MTMR7: variants seen among roughly 807,000 people sequenced by gnomAD.
MTMR7 encodes the protein myotubularin related protein 7.
In MTMR7, 76 loss-of-function variants were observed where a neutral mutation model predicts 81.2. The ratio of observed to expected loss-of-function variants is 0.94; its 90% CI spans 0.78 to 1.13. The LOEUF (loss-of-function observed/expected upper bound fraction) is 1.13, where lower values mean the gene tolerates loss of function less well. Ranked by LOEUF, MTMR7 falls within the 50% of genes most tolerant of loss-of-function variation. MTMR7 has a pLI of 0.00. For missense variants in MTMR7, 1,044 were observed against 820.0 expected (o/e 1.27, Z -3.34); for synonymous variants, 372 against 289.8 (o/e 1.28, Z -2.88).
At chr8:17,397,246 G>A (rs543350768) in intron 1 of MTMR7, among the ~76,000 whole-genome samples, 141 of 152,042 alleles carry the variant, frequency 9.3e-4, no homozygotes, top group Middle Eastern at 3.4e-3. Flanking sequence ...CAGCCATAGC[G>A]GGATAGAGTA....
intron 3 of MTMR7, among the ~76,000 whole-genome samples, chr8:17,370,024 G>A (rs544301990): frequency 8.6e-5 from 13 of 152,034 alleles, no homozygotes; most frequent in East Asian, 1.9e-4. Flanking sequence ...CTGTAGAAGC[G>A]AACAGTAAGC....
chr8:17,311,535 G>T lies in MTMR7; in HGVS notation c.1077C>A (p.His359Gln), dbSNP rs1463256776. Reference protein sequence around the residue: ...CSVASLLLDPHYRTLKGFMVL... With the variant: ...CSVASLLLDPQYRTLKGFMVL... ...CCATGAAGCCCTTCAGAGTCCGGTAGTGAGGGTCCAGCAGCAGGCTTGCCA... is the reference window on the plus strand; with the variant it reads ...CCATGAAGCCCTTCAGAGTCCGGTATTGAGGGTCCAGCAGCAGGCTTGCCA... The change falls in exon 9 of 14, where the codon CAC becomes CAA. Residue 359 changes from histidine to glutamine, a missense_variant. Physicochemically the swap from His to Gln is conservative, Grantham distance 24. Transcript: ENST00000180173. The T allele has an allele frequency of 1.2e-6, 2 of 1,614,178 alleles. No individual in the cohort carries two copies. The highest frequency in any genetic ancestry group is 2.2e-5 in the South Asian group (2 of 91,078).
chr8:17,386,544 G>C (rs1424175826), intron 1 of MTMR7, among the ~76,000 whole-genome samples: 1 of 152,184 alleles, frequency 6.6e-6, no homozygotes, highest in African/African-American at 2.4e-5. Context: ...GTCAGTGATA[G>C]GGCTGGCTTC....
At chr8:17,399,110 G>C (rs916964280) in intron 1 of MTMR7, among the ~76,000 whole-genome samples, 6 of 151,424 alleles carry the variant, frequency 4.0e-5, no homozygotes, top group African/African-American at 1.2e-4. Flanking sequence ...ATTCAACATA[G>C]TACTAGAAGT....
At chr8:17,329,377 C>T (rs889142612) in intron 7 of MTMR7, among the ~76,000 whole-genome samples, 2 of 152,210 alleles carry the variant, frequency 1.3e-5, no homozygotes, top group Non-Finnish European at 2.9e-5. Context: ...CTGCACGTAG[C>T]TGGAAAAGTT....
intron 7 of MTMR7, among the ~76,000 whole-genome samples, chr8:17,318,098 G>T (rs998552718): frequency 1.3e-5 from 2 of 152,156 alleles, no homozygotes; most frequent in Admixed American, 6.5e-5. Context: ...TCAGGATGAT[G>T]ATGGGAAGCC....
At chr8:17,327,628 G>A (rs1383613037) in intron 7 of MTMR7, among the ~76,000 whole-genome samples, 2 of 126,256 alleles carry the variant, frequency 1.6e-5, no homozygotes, top group African/African-American at 9.2e-5. Context: ...GTCCCTAAGA[G>A]GAAGAAACCT....
intron 1 of MTMR7, among the ~76,000 whole-genome samples, chr8:17,379,140 G>GAGT (rs2085922334): frequency 6.6e-6 from 1 of 152,272 alleles, no homozygotes; most frequent in Admixed American, 6.5e-5. Flanking sequence ...TGCTGAGATG[G>GAGT]AGTAAGGCAA....
chr8:17,382,485 C>T (rs903660474), intron 1 of MTMR7, among the ~76,000 whole-genome samples: 1 of 152,042 alleles, frequency 6.6e-6, no homozygotes, highest in Non-Finnish European at 1.5e-5. Flanking sequence ...GGATTTAAAA[C>T]TGAATTGATG....
intron 1 of MTMR7, among the ~76,000 whole-genome samples, chr8:17,375,542 G>T (rs1025878755): frequency 2.0e-5 from 3 of 149,410 alleles, no homozygotes; most frequent in Non-Finnish European, 4.4e-5. Flanking sequence ...CTTTTGTATG[G>T]TTATCCATCA....
At chr8:17,362,297 C>A (rs1820084196) in intron 3 of MTMR7, among the ~76,000 whole-genome samples, 2 of 152,186 alleles carry the variant, frequency 1.3e-5, no homozygotes, top group African/African-American at 4.8e-5. Flanking sequence ...GTATTTGGCA[C>A]TTAACCGCAT....
At chr8:17,344,176 A>G (rs1325657158) in intron 5 of MTMR7, among the ~76,000 whole-genome samples, 3 of 152,238 alleles carry the variant, frequency 2.0e-5, no homozygotes, top group Admixed American at 6.5e-5. Context: ...GAGGTTAAGT[A>G]ACATACTCAA....
chr8:17,411,532 C>T (rs552953757), intron 1 of MTMR7, among the ~76,000 whole-genome samples: 3 of 152,250 alleles, frequency 2.0e-5, no homozygotes, highest in East Asian at 3.9e-4. Flanking sequence ...TAAATGAATC[C>T]GATCCATCCA....
intron 1 of MTMR7, among the ~76,000 whole-genome samples, chr8:17,412,346 G>T (rs936067333): frequency 6.6e-6 from 1 of 152,144 alleles, no homozygotes; most frequent in African/African-American, 2.4e-5. Flanking sequence ...ACCTGTCAGG[G>T]GCCTACATTT....
At chr8:17,349,765 G>T (rs950947737) in intron 4 of MTMR7, among the ~76,000 whole-genome samples, 1 of 152,156 alleles carries the variant, frequency 6.6e-6, no homozygotes, top group Non-Finnish European at 1.5e-5. Flanking sequence ...AAGTGGTAAG[G>T]ATCGATGTAC....
At position 17,371,075 on chromosome 8, in the gene MTMR7, T is replaced by C. The variant is rs1820406167; in HGVS notation, c.272A>G (p.His91Arg). Residue 91 changes from histidine to arginine, a missense_variant, in exon 3 of 14, where the codon CAC becomes CGC. By Grantham distance (29) the His-to-Arg change is conservative (BLOSUM62 0). Transcript: ENST00000180173. ...GCGTATCAGGGAGATGTACACGTCG[T>C]GGCAATCTCTTTCCTGAGGTATGAT... is the stretch of plus-strand genomic sequence containing the variant. ...QLIIPQERDCHDVYISLIRLA... is the reference protein window; with the variant it reads ...QLIIPQERDCRDVYISLIRLA... 1 of 1,614,068 alleles carries C rather than the reference T, an allele frequency of 6.2e-7. No homozygotes were observed. The highest frequency in any genetic ancestry group is 1.3e-5 in the African/African-American group (1 of 74,952).
At position 17,349,203 on chromosome 8, in the gene MTMR7, G is replaced by A. The variant is rs73666121; in HGVS notation, c.469-122C>T. The A allele has an allele frequency of 4.9e-3, 5,853 of 1,204,890 alleles. 226 individuals are homozygous for A. The African/African-American group carries it at 0.08, about 17-fold the overall frequency. The allele number at this position is 1,204,890 out of a possible 1,614,324, so 74.6% of individuals were successfully genotyped here. A position where few individuals can be genotyped will look rare whatever the true frequency, so the allele number is the denominator to read the frequency against. ...CTTAAGTTCCCTTAACCATGTTACA[G>A]AGGAGGCTATTTCGAGGAAACTCAA... On this transcript the variant is annotated intron_variant, in intron 4 of 13. Transcript: ENST00000180173.
intron 12 of MTMR7, among the ~76,000 whole-genome samples, chr8:17,304,129 T>TAA (rs1430317958): frequency 6.6e-6 from 1 of 152,202 alleles, no homozygotes; most frequent in Non-Finnish European, 1.5e-5. Flanking sequence ...AATTGGAACT[T>TAA]AACCTTTTTA....
At chr8:17,364,328 C>T (rs148329356) in intron 3 of MTMR7, among the ~76,000 whole-genome samples, 2 of 152,008 alleles carry the variant, frequency 1.3e-5, no homozygotes, top group Non-Finnish European at 2.9e-5. Flanking sequence ...CCACCGCGCC[C>T]GGTCAAAAAG....
Sources: gnomAD v4.1 joint callset for allele counts (sites outside exome capture counted in the v4.1 genomes callset) on GRCh38, gnomAD v4.1.1 for gene constraint, MANE v1.5 for transcripts, NCBI Gene and HGNC (gene_info 2026-07-23, HGNC 2026-07-21) for gene names.